The following INPP4B variants were observed in gnomAD, a reference collection of about 807,000 sequenced individuals.
The protein encoded by INPP4B is inositol polyphosphate-4-phosphatase type II B, also known as inositol polyphosphate 4-phosphatase type II.
In INPP4B, 55 loss-of-function variants were observed where a neutral mutation model predicts 122.5. The observed-to-expected ratio is 0.45, with a 90% CI of 0.36 to 0.56. The LOEUF (loss-of-function observed/expected upper bound fraction) is 0.56. INPP4B is among the 20% of genes least tolerant of loss of function. The pLI, the probability that INPP4B is intolerant of heterozygous loss-of-function variation, is 0.00. For missense variants in INPP4B, 1,000 were observed against 1,097.7 expected, an observed-to-expected ratio of 0.91 and a Z score of 1.26; for synonymous variants, 403 against 388.7, an observed-to-expected ratio of 1.04 and a Z score of -0.43.
chr4:142,150,947 G>A (rs184752384), intron 17 of INPP4B, among the ~76,000 whole-genome samples: 18 of 152,300 alleles, frequency 1.2e-4, no homozygotes, highest in Admixed American at 6.5e-4. Context: ...AGCTGATATA[G>A]ATGTACAAAA....
At chr4:142,193,334 T>C (rs1836798628) in intron 14 of INPP4B, 139 bp from the exon 15 acceptor site, 1 of 574,918 alleles carries the variant, frequency 1.7e-6, no homozygotes, top group South Asian at 2.4e-5. Flanking sequence ...TGAACTCACA[T>C]CTCAAGGGGG....
chr4:142,841,995 C>T (rs752709311), intron 1 of INPP4B, among the ~76,000 whole-genome samples: 12 of 151,532 alleles, frequency 7.9e-5, no homozygotes, highest in Non-Finnish European at 1.5e-4. Context: ...ATAGATAGAT[C>T]GATAGACAGA....
At chr4:142,347,205 C>G (rs1456784205) in intron 7 of INPP4B, among the ~76,000 whole-genome samples, 2 of 151,868 alleles carry the variant, frequency 1.3e-5, no homozygotes, top group African/African-American at 4.8e-5. Context: ...GTTAACCTAG[C>G]AAGACTTAAA....
chr4:142,842,719 T>A (rs1402888305), intron 1 of INPP4B, among the ~76,000 whole-genome samples: 1 of 131,858 alleles, frequency 7.6e-6, no homozygotes, highest in Non-Finnish European at 1.6e-5. Flanking sequence ...TATAATATAT[T>A]AATATATTAT....
intron 19 of INPP4B, among the ~76,000 whole-genome samples, chr4:142,124,051 G>A (rs17015558): frequency 0.011 from 1,695 of 152,194 alleles, 36 homozygotes; most frequent in African/African-American, 0.038. Context: ...GGCAGGCCTT[G>A]GCATTATGAA....
chr4:142,768,970 T>A (rs1170597127), intron 1 of INPP4B, among the ~76,000 whole-genome samples: 1 of 152,184 alleles, frequency 6.6e-6, no homozygotes, highest in Non-Finnish European at 1.5e-5. Flanking sequence ...ACAGAAAGGA[T>A]CAGATGGTAT....
At chr4:142,515,687 T>C (rs1825331127) in intron 2 of INPP4B, among the ~76,000 whole-genome samples, 1 of 152,214 alleles carries the variant, frequency 6.6e-6, no homozygotes, top group Admixed American at 6.5e-5. Flanking sequence ...AGAAGGCTCC[T>C]TCTTTCATAT....
chr4:142,768,567 T>C (rs1049165397), intron 1 of INPP4B, among the ~76,000 whole-genome samples: 1 of 152,184 alleles, frequency 6.6e-6, no homozygotes, highest in African/African-American at 2.4e-5. Context: ...AGTGAAGGCA[T>C]TGACTGTATT....
intron 9 of INPP4B, among the ~76,000 whole-genome samples, chr4:142,295,742 T>C (rs1027915676): frequency 6.7e-6 from 1 of 149,674 alleles, no homozygotes; most frequent in African/African-American, 2.5e-5. Flanking sequence ...TTCCCTTTTT[T>C]TTTTCTTTTC....
rs570406168 is a variant in INPP4B at position 142,254,031 on chromosome 4, T to A, written c.688+6461A>T. 1.0e-3 allele frequency among the ~76,000 whole-genome samples: 102 copies of A among 98,034 alleles called. 1 individual carries two copies. The East Asian group carries it at 0.026, about 25-fold the overall frequency. 64.3% of individuals were successfully genotyped at this position (98,034 alleles called of 152,430 possible). A position where few individuals can be genotyped will look rare whatever the true frequency, so the allele number is the denominator to read the frequency against. ...CTGAGAACGGGCAGACTGCCTCCTC[T>A]AGTGGGTCCCTGACCCCTGACCCCC... On this transcript the variant is annotated intron_variant, in intron 11 of 25. Transcript: ENST00000262992.
intron 2 of INPP4B, among the ~76,000 whole-genome samples, chr4:142,540,085 G>C (rs1395578603): frequency 6.6e-6 from 1 of 151,920 alleles, no homozygotes; most frequent in Admixed American, 6.6e-5. Context: ...TACCAGACAA[G>C]CTTCAGTTAT....
intron 15 of INPP4B, among the ~76,000 whole-genome samples, chr4:142,188,518 A>ATATATATATAT (rs1363710453): frequency 1.6e-4 from 17 of 105,122 alleles, no homozygotes; most frequent in African/African-American, 4.6e-4. Flanking sequence ...AAAGAAAAAA[A>ATATATATATAT]ATATATATAG....
At chr4:142,091,731 A>C (rs1779628447) in intron 23 of INPP4B, among the ~76,000 whole-genome samples, 1 of 152,194 alleles carries the variant, frequency 6.6e-6, no homozygotes. Context: ...CAACAAGAAG[A>C]GCTCTGACTT....
chr4:142,143,850 T>A (rs1388848022), intron 18 of INPP4B, among the ~76,000 whole-genome samples: 1 of 152,072 alleles, frequency 6.6e-6, no homozygotes, highest in Non-Finnish European at 1.5e-5. Context: ...TAATACGCGT[T>A]CTGGAGAATG....
At chr4:142,542,299 TC>T (rs1357452202) in intron 2 of INPP4B, among the ~76,000 whole-genome samples, 1 of 152,228 alleles carries the variant, frequency 6.6e-6, no homozygotes, top group Non-Finnish European at 1.5e-5. Flanking sequence ...TAGATACAGT[TC>T]TTGTATTAGA....
chr4:142,283,136 G>C (rs1388651469), intron 9 of INPP4B, among the ~76,000 whole-genome samples: 2 of 152,022 alleles, frequency 1.3e-5, no homozygotes, highest in Non-Finnish European at 2.9e-5. Flanking sequence ...TTTTAAGGTA[G>C]AGCTAATAAG....
chr4:142,029,010 A>AAAT, intron 25 of INPP4B, 96 bp from the exon 26 acceptor site: 1 of 1,474,988 alleles, frequency 6.8e-7, no homozygotes, highest in South Asian at 1.5e-5. Context: ...ATCCAAGTAA[A>AAAT]AATAACAAAG....
intron 7 of INPP4B, among the ~76,000 whole-genome samples, chr4:142,380,822 TTAG>T (rs1339201390): frequency 2.8e-4 from 42 of 152,158 alleles, no homozygotes. Flanking sequence ...TTTTTCATTA[TTAG>T]TTTTTTTAAA....
intron 18 of INPP4B, among the ~76,000 whole-genome samples, chr4:142,142,341 A>G (rs1808304474): frequency 6.6e-6 from 1 of 152,134 alleles, no homozygotes; most frequent in South Asian, 2.1e-4. Flanking sequence ...ATAAGTGAAA[A>G]TATTTAAGGC....
Sources: allele counts gnomAD v4.1 joint callset (sites outside exome capture counted in the v4.1 genomes callset), GRCh38; gene constraint gnomAD v4.1.1; transcripts MANE v1.5; gene names NCBI Gene and HGNC (gene_info 2026-07-23, HGNC 2026-07-21).